Variants in CNBD1 observed in about 807,000 individuals in gnomAD.
The protein encoded by CNBD1 is cyclic nucleotide binding domain containing 1.
In CNBD1, 71 loss-of-function variants were observed where a neutral mutation model predicts 54.4. That is an observed-to-expected ratio of 1.30 (90% CI 1.08 to 1.59). The LOEUF is 1.59. Among genes scored for constraint, CNBD1 ranks in the 40% most tolerant of loss-of-function variants. CNBD1 has a pLI of 0.00. For synonymous variants in CNBD1, 182 were observed against 170.7 expected (o/e 1.07, Z -0.51); for missense variants, 659 against 518.0 (o/e 1.27, Z -2.64).
intron 4 of CNBD1, among the ~76,000 whole-genome samples, chr8:86,992,278 C>A (rs1436728068): frequency 6.6e-6 from 1 of 150,616 alleles, no homozygotes; most frequent in Non-Finnish European, 1.5e-5. Flanking sequence ...CTTTTTTGTT[C>A]TTTTTAATTT....
At chr8:87,176,641 C>T (rs553767603) in intron 4 of CNBD1, among the ~76,000 whole-genome samples, 17 of 149,708 alleles carry the variant, frequency 1.1e-4, no homozygotes, top group Admixed American at 6.1e-4. Context: ...TGGCCCACCA[C>T]GCCCGGCTAA....
chr8:87,302,323 G>C (rs897792222), intron 8 of CNBD1, among the ~76,000 whole-genome samples: 4 of 152,158 alleles, frequency 2.6e-5, no homozygotes, highest in African/African-American at 4.8e-5. Flanking sequence ...GGGATGCAAG[G>C]CTGGTTCAAC....
At chr8:87,180,760 G>T (rs1306816215) in intron 4 of CNBD1, among the ~76,000 whole-genome samples, 1 of 152,184 alleles carries the variant, frequency 6.6e-6, no homozygotes, top group East Asian at 1.9e-4. Flanking sequence ...TGAGGGAGGA[G>T]TGTGTGTTTG....
intron 4 of CNBD1, among the ~76,000 whole-genome samples, chr8:87,119,813 GCTTTTT>G (rs887159700): frequency 2.6e-5 from 4 of 151,994 alleles, no homozygotes; most frequent in South Asian, 4.2e-4. Context: ...TTTTTCAAAT[GCTTTTT>G]CTTTATCTAT....
At chr8:87,380,436 C>T (rs79737916) in intron 10 of CNBD1, among the ~76,000 whole-genome samples, 1 of 151,818 alleles carries the variant, frequency 6.6e-6, no homozygotes, top group Admixed American at 6.6e-5. Flanking sequence ...AAGGTATTTT[C>T]AAAGCAGGTG....
chr8:87,112,754 C>G (rs1213452131), intron 4 of CNBD1, among the ~76,000 whole-genome samples: 2 of 26,762 alleles, frequency 7.5e-5, no homozygotes, highest in Non-Finnish European at 1.4e-4. Context: ...TCAGATGACA[C>G]TTTGTCCAGT....
At chr8:87,207,300 T>G (rs1813996725) in intron 5 of CNBD1, among the ~76,000 whole-genome samples, 2 of 152,118 alleles carry the variant, frequency 1.3e-5, no homozygotes, top group African/African-American at 4.8e-5. Flanking sequence ...GCTATACATA[T>G]TTTGATATAT....
At chr8:86,931,277 C>T (rs1809453056) in intron 3 of CNBD1, among the ~76,000 whole-genome samples, 1 of 152,150 alleles carries the variant, frequency 6.6e-6, no homozygotes, top group Admixed American at 6.5e-5. Context: ...TCCTGGCCCT[C>T]AGTGGTTAAA....
At chr8:87,173,986 G>A (rs1481487361) in intron 4 of CNBD1, among the ~76,000 whole-genome samples, 1 of 151,430 alleles carries the variant, frequency 6.6e-6, no homozygotes. Context: ...TTTTGATGGA[G>A]TCTCACTCTG....
rs111673446 is a variant in CNBD1 at position 87,404,191 on chromosome 8, C to A, written c.214-24355C>A. On this transcript the variant is annotated intron_variant, in intron 2 of 7. Coordinates refer to the CNBD1 transcript ENST00000521593. ...GCAAGTATAAGAGATCCAACGTGGG[C>A]AGTGGCAGGGGTAGGGAAGTGGGGA... 7.2e-5 allele frequency among the ~76,000 whole-genome samples: 11 copies of A among 152,042 alleles called. No homozygotes were observed. The East Asian group carries it at 2.1e-3, about 30-fold the overall frequency.
At chr8:86,945,188 T>C (rs1807437468) in intron 4 of CNBD1, among the ~76,000 whole-genome samples, 1 of 152,188 alleles carries the variant, frequency 6.6e-6, no homozygotes, top group African/African-American at 2.4e-5. Flanking sequence ...GTGGGAGCTG[T>C]GGAAAGGGTA....
intron 4 of CNBD1, among the ~76,000 whole-genome samples, chr8:87,137,798 G>A (rs893760846): frequency 2.0e-5 from 3 of 152,044 alleles, no homozygotes; most frequent in African/African-American, 4.8e-5. Context: ...TATAAGGATG[G>A]GATGTAGAAG....
At chr8:87,266,873 C>A (rs985993364) in intron 6 of CNBD1, among the ~76,000 whole-genome samples, 1 of 152,054 alleles carries the variant, frequency 6.6e-6, no homozygotes, top group Non-Finnish European at 1.5e-5. Flanking sequence ...TACTTTACAC[C>A]ATTCATAAAA....
At chr8:87,324,155 A>T (rs886559139) in intron 8 of CNBD1, among the ~76,000 whole-genome samples, 2 of 124,836 alleles carry the variant, frequency 1.6e-5, no homozygotes, top group Admixed American at 1.6e-4. Flanking sequence ...GATGAAGCCC[A>T]CTTGATCATG....
chr8:87,300,658 T>C (rs1808969302), intron 8 of CNBD1, among the ~76,000 whole-genome samples: 1 of 150,600 alleles, frequency 6.6e-6, no homozygotes, highest in African/African-American at 2.4e-5. Flanking sequence ...TCCCAGCTAC[T>C]CAGGAGGCCA....
intron 8 of CNBD1, among the ~76,000 whole-genome samples, chr8:87,346,407 A>G (rs927810406): frequency 6.6e-6 from 1 of 151,930 alleles, no homozygotes; most frequent in South Asian, 2.1e-4. Context: ...TATTAATTTA[A>G]TAATACTTTT....
At chr8:87,361,947 C>G (rs79753518) in intron 10 of CNBD1, among the ~76,000 whole-genome samples, 2,239 of 152,038 alleles carry the variant, frequency 0.015, 53 homozygotes, top group African/African-American at 0.048. Flanking sequence ...TAAATGTATA[C>G]ACTTCAGACT....
intron 4 of CNBD1, among the ~76,000 whole-genome samples, chr8:87,014,848 G>T (rs911625537): frequency 2.0e-5 from 3 of 151,296 alleles, no homozygotes; most frequent in African/African-American, 7.3e-5. Flanking sequence ...GATGTAGAAA[G>T]ATATTTTTGG....
At chr8:87,156,508 T>G (rs1435317777) in intron 4 of CNBD1, among the ~76,000 whole-genome samples, 2 of 151,704 alleles carry the variant, frequency 1.3e-5, no homozygotes, top group East Asian at 3.9e-4. Context: ...CCTCCCAAAA[T>G]GATGGATTTG....
Sources: allele counts gnomAD v4.1 joint callset (sites outside exome capture counted in the v4.1 genomes callset), GRCh38; gene constraint gnomAD v4.1.1; transcripts MANE v1.5; gene names NCBI Gene and HGNC (gene_info 2026-07-23, HGNC 2026-07-21).